CNTNAP3: variants seen among roughly 807,000 people sequenced by gnomAD.
CNTNAP3 encodes contactin-associated protein-like 3.
In CNTNAP3, 36 loss-of-function variants were observed where a neutral mutation model predicts 92.1. The ratio of observed to expected loss-of-function variants is 0.39; its 90% confidence interval spans 0.30 to 0.52. The LOEUF is 0.52. CNTNAP3 is among the 20% of genes least tolerant of loss of function. The pLI is 0.76. For missense variants in CNTNAP3, 534 were observed against 1,069.6 expected (o/e 0.50, Z 6.98); for synonymous variants, 232 against 422.3 (o/e 0.55, Z 5.53).
chr9:39,109,241 T>C lies in CNTNAP3; in HGVS notation c.2284A>G (p.Thr762Ala). The change falls in exon 15 of 24, where the codon ACT becomes GCT. Residue 762 changes from threonine (T) to alanine (A), a missense_variant. Thr to Ala is a moderately conservative substitution (Grantham distance 58, BLOSUM62 0). Transcript: ENST00000297668. ...CCTGCGTCTGTCATCACAATCTGAG[T>C]GACTGGCAGGTGCTCCTTTTGGGAA... Reference protein sequence around the residue: ...VLSQKEHLPVTQIVMTDAGRP... With the variant: ...VLSQKEHLPVAQIVMTDAGRP... 1.2e-6 allele frequency: 2 copies of C among 1,612,690 alleles called. No homozygotes were observed. Among genetic ancestry groups the C allele is most frequent in the South Asian group, 2.2e-5 (2 of 91,010 alleles).
chr9:39,151,839 C>G lies in CNTNAP3; in HGVS notation c.1478-1862G>C, dbSNP rs533366986. 1.8e-3 allele frequency among the ~76,000 whole-genome samples: 267 copies of G among 147,932 alleles called. 2 individuals carry two copies. Among genetic ancestry groups the G allele is most frequent in the African/African-American group, 6.3e-3 (253 of 40,264 alleles). Reference sequence around the variant, plus strand: ...TATATTGATTCTGTAAGTATTGTCTCTTTCAAACTTGTGAGATATAATTTC... The same window carrying G: ...TATATTGATTCTGTAAGTATTGTCTGTTTCAAACTTGTGAGATATAATTTC... On this transcript the variant is annotated intron_variant, in intron 9 of 23. Coordinates refer to ENST00000297668, the MANE Select transcript of CNTNAP3 (RefSeq NM_033655.5).
At chr9:39,083,311 A>G (rs1326975128) in intron 21 of CNTNAP3, among the ~76,000 whole-genome samples, 1 of 152,086 alleles carries the variant, frequency 6.6e-6, no homozygotes, top group Non-Finnish European at 1.5e-5. Context: ...GCAGACAAAA[A>G]GGCATCTTCC....
rs146199106 is a variant in CNTNAP3 at position 39,089,342 on chromosome 9, A to G, written c.2996-695T>C. On this transcript the variant is annotated intron_variant, in intron 18 of 23. Transcript: ENST00000297668. ...TTCAATGTGGCCTCTTTCACTTAGCATGGTATTTTCAAGGTTCATCCATCT... is the reference window on the plus strand; with the variant it reads ...TTCAATGTGGCCTCTTTCACTTAGCGTGGTATTTTCAAGGTTCATCCATCT... 2.8e-4 allele frequency among the ~76,000 whole-genome samples: 42 copies of G among 152,366 alleles called. No homozygotes were observed. The East Asian group carries it at 6.7e-3, about 24-fold the overall frequency.
intron 14 of CNTNAP3, among the ~76,000 whole-genome samples, chr9:39,114,523 G>A (rs1758551): frequency 0.098 from 14,925 of 151,934 alleles, 792 homozygotes; most frequent in African/African-American, 0.15. Flanking sequence ...TAATACAGCT[G>A]TATCTGCTTT....
At chr9:39,092,174 G>C (rs1347143935) in intron 18 of CNTNAP3, among the ~76,000 whole-genome samples, 1 of 143,926 alleles carries the variant, frequency 6.9e-6, no homozygotes, top group Non-Finnish European at 1.5e-5. Flanking sequence ...TGCCAATTTT[G>C]TTAACAATTT....
rs1409814639 is a variant in CNTNAP3 at position 39,076,717 on chromosome 9, C to T, written c.3745+1668G>A. The stretch of plus-strand genomic sequence containing the variant: ...GGCATGGTGGCTCATGCCTGTAATC[C>T]TAGCACTTTGGGAGGCCAAGGTAGG... On this transcript the variant is annotated intron_variant, in intron 23 of 23. Transcript: ENST00000297668. 1.4e-4 allele frequency among the ~76,000 whole-genome samples: 21 copies of T among 152,298 alleles called. No homozygotes were observed. In the East Asian group the frequency reaches 3.7e-3, roughly 27 times the overall value.
intron 10 of CNTNAP3, among the ~76,000 whole-genome samples, chr9:39,145,285 G>A (rs4961897): frequency 2.0e-4 from 27 of 136,990 alleles, no homozygotes; most frequent in African/African-American, 6.2e-4. Flanking sequence ...GCCTCTGGCC[G>A]CTGTCTCCCA....
intron 12 of CNTNAP3, 88 bp from the exon 13 acceptor site, chr9:39,133,223 A>C (rs1821347447): frequency 6.2e-6 from 9 of 1,444,006 alleles, no homozygotes; most frequent in Non-Finnish European, 8.4e-6. Context: ...TATGTGAATT[A>C]ACGTTTAATT....
rs550801457 is a variant in CNTNAP3 at position 39,087,611 on chromosome 9, C to T, written c.3221-762G>A. On this transcript the variant is annotated intron_variant, in intron 19 of 23. Coordinates refer to ENST00000297668, the MANE Select transcript of CNTNAP3 (RefSeq NM_033655.5). ...ACGCCATTCTCCTGCCTCAGCCTCC[C>T]GAGTAGCTGGGACTACAGGTGCCCA... is the stretch of plus-strand genomic sequence containing the variant. Among the ~76,000 whole-genome samples, 344 of 152,198 alleles carry T rather than the reference C, an allele frequency of 2.3e-3. 2 individuals carry two copies. The highest frequency in any genetic ancestry group is 7.7e-3 in the African/African-American group (319 of 41,524).
chr9:39,140,592 C>G lies in CNTNAP3; in HGVS notation c.1803G>C (p.Pro601=). The G allele has an allele frequency of 1.9e-6, 3 of 1,613,016 alleles. No homozygotes were observed. Among genetic ancestry groups the G allele is most frequent in the East Asian group, 2.2e-5 (1 of 44,832 alleles). ...SCEAHKHRGN[P]SGLYYIDADG... ...CTGCATCAATATAGTAAAGCCCAGACGGGTTCCCTCGGTGCTTGTGGGCTT... is the reference window on the plus strand; with the variant it reads ...CTGCATCAATATAGTAAAGCCCAGAGGGGTTCCCTCGGTGCTTGTGGGCTT... Residue 601 remains proline (P), a synonymous_variant, in exon 12 of 24, where the codon CCG becomes CCC. Coordinates refer to ENST00000297668, the MANE Select transcript of CNTNAP3 (RefSeq NM_033655.5).
At chr9:39,137,649 A>G (rs1057483669) in intron 12 of CNTNAP3, among the ~76,000 whole-genome samples, 24 of 151,566 alleles carry the variant, frequency 1.6e-4, no homozygotes, top group Middle Eastern at 6.8e-3. Flanking sequence ...AGTAGCTGGG[A>G]CTACAGGCAC....
chr9:39,142,742 T>C (rs2118102172), intron 11 of CNTNAP3, among the ~76,000 whole-genome samples: 1 of 152,066 alleles, frequency 6.6e-6, no homozygotes, highest in Admixed American at 6.5e-5. Flanking sequence ...AAATCATACT[T>C]CATGCTTCAA....
intron 16 of CNTNAP3, 83 bp downstream of exon 16, chr9:39,103,661 T>C: frequency 2.1e-6 from 3 of 1,397,438 alleles, no homozygotes; most frequent in Non-Finnish European, 2.9e-6. Flanking sequence ...AAAATAAGAA[T>C]GAAATACTAA....
intron 21 of CNTNAP3, among the ~76,000 whole-genome samples, chr9:39,079,380 AT>A (rs1408420371): frequency 1.7e-4 from 25 of 150,692 alleles, no homozygotes; most frequent in African/African-American, 5.9e-4. Flanking sequence ...TGACTTTCAT[AT>A]TATCTTAATA....
rs1479354718 is a variant in CNTNAP3 at position 39,067,671 on chromosome 9, C to A, written c.*6219G>T. Reference sequence around the variant, plus strand: ...TCGACCTCCCAAAGTGCTGGGATTACAGGCATGAGCCACTGTGCCCGGCCT... The same window carrying A: ...TCGACCTCCCAAAGTGCTGGGATTAAAGGCATGAGCCACTGTGCCCGGCCT... On this transcript the variant is annotated 3_prime_UTR_variant, in exon 24 of 24. Coordinates refer to ENST00000297668, the MANE Select transcript of CNTNAP3 (RefSeq NM_033655.5). Among the ~76,000 whole-genome samples the A allele has an allele frequency of 6.6e-6, 1 of 152,308 alleles. No homozygotes were observed. The highest frequency in any genetic ancestry group is 1.5e-5 in the Non-Finnish European group (1 of 68,056).
chr9:39,113,945 A>G lies in CNTNAP3; in HGVS notation c.2237+4158T>C, dbSNP rs532006533. ...TTTGGGTGTCAATTTGCCTTTGCATATTTGTTAATTCTCTCTCTCTCTATA... is the reference window on the plus strand; with the variant it reads ...TTTGGGTGTCAATTTGCCTTTGCATGTTTGTTAATTCTCTCTCTCTCTATA... On this transcript the variant is annotated intron_variant, in intron 14 of 23. Transcript: ENST00000297668. 7.9e-5 allele frequency among the ~76,000 whole-genome samples: 12 copies of G among 151,500 alleles called. No individual in the cohort carries two copies. In the South Asian group the frequency reaches 2.5e-3, roughly 32 times the overall value.
At chr9:39,130,218 G>A (rs973138183) in intron 13 of CNTNAP3, among the ~76,000 whole-genome samples, 1 of 151,906 alleles carries the variant, frequency 6.6e-6, no homozygotes, top group African/African-American at 2.4e-5. Context: ...ATTCATAATT[G>A]CCCCAAACTG....
At position 39,068,702 on chromosome 9, in the gene CNTNAP3, G is replaced by C. The variant is rs3904391; in HGVS notation, c.*5188C>G. 9.1e-3 allele frequency among the ~76,000 whole-genome samples: 1,371 copies of C among 150,670 alleles called. No individual in the cohort carries two copies. The highest frequency in any genetic ancestry group is 0.023 in the Admixed American group (350 of 15,022). The stretch of plus-strand genomic sequence containing the variant: ...AATCTCTAGCCACCTTCGTGTACCT[G>C]AACTCTCAGCAACAGCTACTCCATT... On this transcript the variant is annotated 3_prime_UTR_variant, in exon 24 of 24. Coordinates refer to ENST00000297668, the MANE Select transcript of CNTNAP3 (RefSeq NM_033655.5).
rs1306138741 is a variant in CNTNAP3, at chr9:39,068,847, A to T, written c.*5043T>A. On this transcript the variant is annotated 3_prime_UTR_variant, in exon 24 of 24. Coordinates refer to ENST00000297668, the MANE Select transcript of CNTNAP3 (RefSeq NM_033655.5). ...ATCTTATGTTTCCTGTCTTTCAGGG[A>T]TTACATTCCGTGCCTCATGTCCAGT... 1.3e-5 allele frequency among the ~76,000 whole-genome samples: 2 copies of T among 152,382 alleles called. No homozygotes were observed. Among genetic ancestry groups the T allele is most frequent in the African/African-American group, 4.8e-5 (2 of 41,562 alleles).
Sources: allele counts gnomAD v4.1 joint callset (sites outside exome capture counted in the v4.1 genomes callset), GRCh38; gene constraint gnomAD v4.1.1; transcripts MANE v1.5; gene names NCBI Gene and HGNC (gene_info 2026-07-23, HGNC 2026-07-21).